Variants in CCDC73 observed in about 807,000 individuals in gnomAD.
The protein encoded by CCDC73 is coiled-coil domain-containing protein 73.
A neutral mutation model predicts 116.5 loss-of-function variants in CCDC73; 95 were observed. The ratio of observed to expected loss-of-function variants is 0.82; its 90% CI spans 0.69 to 0.97. CCDC73 has a LOEUF of 0.97. Among genes scored for constraint, CCDC73 ranks in the 50% least tolerant of loss-of-function variants. The pLI, the probability that CCDC73 is intolerant of heterozygous loss-of-function variation, is 0.00. For synonymous variants in CCDC73, 398 were observed against 401.3 expected (o/e 0.99, Z 0.10); for missense variants, 1,066 against 1,206.8 (o/e 0.88, Z 1.73).
chr11:32,658,463 A>G (rs555281097), intron 9 of CCDC73, among the ~76,000 whole-genome samples: 1 of 152,370 alleles, frequency 6.6e-6, no homozygotes, highest in East Asian at 1.9e-4. Context: ...CTTGTTAAGA[A>G]GCAATAACAA....
intron 2 of CCDC73, among the ~76,000 whole-genome samples, chr11:32,755,351 T>G (rs1433964455): frequency 6.9e-6 from 1 of 145,346 alleles, no homozygotes; most frequent in African/African-American, 2.5e-5. Context: ...CTGGCCAACA[T>G]GGTGAAACCC....
chr11:32,748,632 A>T (rs1850261216), intron 2 of CCDC73, among the ~76,000 whole-genome samples: 2 of 152,200 alleles, frequency 1.3e-5, no homozygotes, highest in South Asian at 4.1e-4. Flanking sequence ...TTTTCTGTGT[A>T]CCTACTATTA....
intron 1 of CCDC73, among the ~76,000 whole-genome samples, chr11:32,782,873 C>A (rs749797440): frequency 8.6e-5 from 13 of 151,828 alleles, no homozygotes; most frequent in Non-Finnish European, 1.8e-4. Context: ...TTAAAGAAGT[C>A]TTGCAAAAAG....
intron 14 of CCDC73, among the ~76,000 whole-genome samples, chr11:32,625,609 C>G (rs1367679715): frequency 6.6e-6 from 1 of 152,106 alleles, no homozygotes; most frequent in Non-Finnish European, 1.5e-5. Flanking sequence ...ATATTGGCCC[C>G]CACTCTCTTC....
intron 1 of CCDC73, among the ~76,000 whole-genome samples, chr11:32,768,005 A>G (rs551861569): frequency 6.6e-5 from 10 of 152,370 alleles, no homozygotes; most frequent in African/African-American, 2.2e-4. Context: ...GCATGCTGCT[A>G]TAAAGACACA....
intron 7 of CCDC73, 78 bp from the exon 8 acceptor site, chr11:32,676,099 T>C: frequency 1.6e-6 from 2 of 1,239,024 alleles, no homozygotes; most frequent in Admixed American, 2.7e-5. Flanking sequence ...GTAAAATATA[T>C]TGTGGTAAAC....
intron 13 of CCDC73, among the ~76,000 whole-genome samples, chr11:32,641,763 G>T (rs1855735181): frequency 6.6e-6 from 1 of 150,764 alleles, no homozygotes; most frequent in African/African-American, 2.4e-5. Context: ...GTATTTGTGT[G>T]GTCTTCCATG....
intron 17 of CCDC73, chr11:32,604,661 A>G (rs1398755749): frequency 6.6e-6 from 1 of 152,150 alleles, no homozygotes; most frequent in African/African-American, 2.4e-5. Context: ...GTGTTCTGCA[A>G]ATTATTTCTG....
At chr11:32,695,368 CAAA>C (rs34683408) in intron 6 of CCDC73, among the ~76,000 whole-genome samples, 4 of 122,668 alleles carry the variant, frequency 3.3e-5, no homozygotes, top group Non-Finnish European at 1.7e-5. Flanking sequence ...GACTCCATCT[CAAA>C]AAAAAAAAAA....
intron 11 of CCDC73, 75 bp from the exon 12 acceptor site, chr11:32,653,302 T>A (rs891899015): frequency 2.2e-6 from 2 of 912,128 alleles, no homozygotes; most frequent in Non-Finnish European, 3.4e-6. Flanking sequence ...TTCACATACA[T>A]TTTCTAGTTT....
At chr11:32,704,037 G>A (rs1285269291) in intron 3 of CCDC73, among the ~76,000 whole-genome samples, 1 of 152,234 alleles carries the variant, frequency 6.6e-6, no homozygotes, top group East Asian at 1.9e-4. Flanking sequence ...CTGTGAGGAT[G>A]CCAGCTGCAG....
At chr11:32,793,507 G>A (rs1220885660) in intron 1 of CCDC73, among the ~76,000 whole-genome samples, 1 of 152,192 alleles carries the variant, frequency 6.6e-6, no homozygotes, top group African/African-American at 2.4e-5. Context: ...TCTAAAAGAA[G>A]TGCACTGATC....
chr11:32,650,238 A>G (rs1300034478), intron 12 of CCDC73, among the ~76,000 whole-genome samples: 1 of 152,210 alleles, frequency 6.6e-6, no homozygotes, highest in Non-Finnish European at 1.5e-5. Flanking sequence ...TCTAGGAAAA[A>G]TATCTTAACA....
At chr11:32,724,868 T>C (rs934836130) in intron 2 of CCDC73, among the ~76,000 whole-genome samples, 7 of 152,216 alleles carry the variant, frequency 4.6e-5, no homozygotes, top group African/African-American at 1.2e-4. Flanking sequence ...ATTCTATCTA[T>C]GTGTTAAGGA....
chr11:32,740,198 C>T (rs1279276886), intron 2 of CCDC73, among the ~76,000 whole-genome samples: 3 of 151,762 alleles, frequency 2.0e-5, no homozygotes, highest in Admixed American at 6.6e-5. Flanking sequence ...GTAATAACAG[C>T]CTTGTAGAAT....
chr11:32,678,899 T>A (rs868204538), intron 7 of CCDC73, among the ~76,000 whole-genome samples: 16,958 of 128,390 alleles, frequency 0.13, 1,171 homozygotes, highest in Non-Finnish European at 0.16. Context: ...AAAAAAAAAA[T>A]ATATATATAT....
intron 14 of CCDC73, among the ~76,000 whole-genome samples, chr11:32,629,913 C>A (rs1163567994): frequency 3.9e-5 from 3 of 77,584 alleles, no homozygotes; most frequent in African/African-American, 5.8e-5. Context: ...AGAATTCCAG[C>A]AGATATGCAA....
chr11:32,638,911 G>A (rs1855705611), intron 13 of CCDC73, among the ~76,000 whole-genome samples: 1 of 151,824 alleles, frequency 6.6e-6, no homozygotes, highest in East Asian at 1.9e-4. Flanking sequence ...ACCTTGATAG[G>A]CCAAGGCAGG....
chr11:32,829,891 C>T, the CCDC73 span: 3 of 985,494 alleles, frequency 3.0e-6, no homozygotes, highest in Non-Finnish European at 3.6e-6. Context: ...AGGTGGGGCG[C>T]GGCCAGGTGT....
Sources: gnomAD v4.1 joint callset for allele counts (sites outside exome capture counted in the v4.1 genomes callset) on GRCh38, gnomAD v4.1.1 for gene constraint, MANE v1.5 for transcripts, NCBI Gene and HGNC (gene_info 2026-07-23, HGNC 2026-07-21) for gene names.